The following GRAMD1C variants were observed in gnomAD, a reference collection of about 807,000 sequenced individuals.
The protein encoded by GRAMD1C is protein Aster-C.
GRAMD1C carries 89 observed loss-of-function variants against 97.8 expected under a neutral mutation model. The observed-to-expected ratio is 0.91, with a 90% CI of 0.77 to 1.09. The LOEUF is 1.09. GRAMD1C is among the 50% of genes least tolerant of loss of function. The probability of loss-of-function intolerance (pLI) is 0.00; values close to 1 mark genes in which losing one functional copy is unlikely to be tolerated. For missense variants in GRAMD1C, 740 were observed against 766.4 expected, an observed-to-expected ratio of 0.97 and a Z score of 0.41; for synonymous variants, 256 against 267.0, an observed-to-expected ratio of 0.96 and a Z score of 0.40.
intron 6 of GRAMD1C, chr3:113,897,734 A>G: frequency 1.0e-6 from 1 of 984,652 alleles, no homozygotes; most frequent in Non-Finnish European, 1.2e-6. Context: ...TTTGAGCCTT[A>G]TCTGATTACT....
chr3:113,842,344 C>A (rs1467457529), intron 1 of GRAMD1C, among the ~76,000 whole-genome samples: 1 of 152,146 alleles, frequency 6.6e-6, no homozygotes, highest in Non-Finnish European at 1.5e-5. Context: ...TAACTTAGAA[C>A]CTATGTTGTA....
chr3:113,833,582 A>C (rs188204486), intron 1 of GRAMD1C, among the ~76,000 whole-genome samples: 42 of 152,312 alleles, frequency 2.8e-4, no homozygotes, highest in Admixed American at 9.8e-4. Context: ...GCCACCAAAC[A>C]GGTCAAAGCA....
At chr3:113,882,580 AC>A (rs765503987) in intron 5 of GRAMD1C, among the ~76,000 whole-genome samples, 171 bp from the exon 6 acceptor site, 10 of 152,170 alleles carry the variant, frequency 6.6e-5, no homozygotes, top group Non-Finnish European at 1.0e-4. Context: ...TATAGCAACT[AC>A]CCGTGTTTCT....
At chr3:113,854,945 A>G (rs1934057684) in intron 2 of GRAMD1C, among the ~76,000 whole-genome samples, 1 of 152,214 alleles carries the variant, frequency 6.6e-6, no homozygotes, top group African/African-American at 2.4e-5. Flanking sequence ...AACAAATCTA[A>G]GATAATACAA....
At chr3:113,882,567 T>C (rs1935307351) in intron 5 of GRAMD1C, among the ~76,000 whole-genome samples, 185 bp from the exon 6 acceptor site, 1 of 152,180 alleles carries the variant, frequency 6.6e-6, no homozygotes, top group African/African-American at 2.4e-5. Flanking sequence ...GACACCTTGT[T>C]CATATAGCAA....
At chr3:113,843,761 A>G (rs1933480947) in intron 1 of GRAMD1C, among the ~76,000 whole-genome samples, 1 of 152,230 alleles carries the variant, frequency 6.6e-6, no homozygotes, top group African/African-American at 2.4e-5. Context: ...CACAGCTGGC[A>G]CATCTTATTT....
intron 9 of GRAMD1C, among the ~76,000 whole-genome samples, chr3:113,909,419 C>T (rs1395770671): frequency 1.3e-5 from 2 of 152,150 alleles, no homozygotes; most frequent in Admixed American, 6.5e-5. Flanking sequence ...TATGCTCACA[C>T]GTCATAGGTA....
rs1435715840 is a variant in GRAMD1C at position 113,915,792 on chromosome 3, C to T, written c.1044C>T (p.Thr348=). 2 of 1,610,868 alleles carry T rather than the reference C, an allele frequency of 1.2e-6. No individual in the cohort carries two copies. The highest frequency in any genetic ancestry group is 1.6e-4 in the Middle Eastern group (1 of 6,072). The stretch of plus-strand genomic sequence containing the variant: ...ACAGAATGTTTGAATTGCTCTTTAC[C>T]AGTTCACGCTTTATGCAGAAATTTG... ...SADRMFELLF[T]SSRFMQKFAS... is the part of the protein sequence containing the mutation. Residue 348 remains threonine, a synonymous_variant, in exon 10 of 18, where the codon ACC becomes ACT. Transcript: ENST00000358160.
intron 6 of GRAMD1C, chr3:113,890,818 G>A (rs1241082036): frequency 2.9e-6 from 2 of 681,468 alleles, no homozygotes; most frequent in African/African-American, 1.8e-5. Flanking sequence ...TAAAGTTCAG[G>A]TTTACAGATG....
Position 113,852,015 on chromosome 3 carries a change from C to T in GRAMD1C, c.174+7366C>T, listed in dbSNP as rs150373491. On this transcript the variant is annotated intron_variant, in intron 2 of 17. Coordinates refer to ENST00000358160, the MANE Select transcript of GRAMD1C (RefSeq NM_017577.5). ...TCCCGGGTAGCTGGGATGAGAGGTG[C>T]GTACCACCACTCCCGGCCTATTCTG... is the stretch of plus-strand genomic sequence containing the variant. Among the ~76,000 whole-genome samples, 12 of 152,228 alleles carry T rather than the reference C, an allele frequency of 7.9e-5. No individual in the cohort carries two copies. The East Asian group carries it at 1.9e-3, about 24-fold the overall frequency.
At chr3:113,913,608 A>AT (rs1559811547) in intron 9 of GRAMD1C, among the ~76,000 whole-genome samples, 2 of 152,184 alleles carry the variant, frequency 1.3e-5, no homozygotes, top group African/African-American at 4.8e-5. Context: ...GTTTGGCTTT[A>AT]TAGCAGTAAG....
At chr3:113,885,261 G>C (rs1935425972) in intron 6 of GRAMD1C, 1 of 1,268,558 alleles carries the variant, frequency 7.9e-7, no homozygotes, top group South Asian at 1.3e-5. Flanking sequence ...GCTGGGCCGT[G>C]GGGGCCTCCG....
intron 8 of GRAMD1C, among the ~76,000 whole-genome samples, chr3:113,907,111 T>G (rs907082476): frequency 7.2e-5 from 11 of 152,240 alleles, no homozygotes; most frequent in Admixed American, 6.5e-5. Flanking sequence ...AATGTATGAC[T>G]GTACTTAGAA....
chr3:113,830,909 A>T (rs983239875), intron 1 of GRAMD1C, among the ~76,000 whole-genome samples: 1 of 152,170 alleles, frequency 6.6e-6, no homozygotes, highest in African/African-American at 2.4e-5. Flanking sequence ...GGCCAGGGTG[A>T]CCTGTAAAAA....
chr3:113,935,228 C>T (rs1937554306), intron 13 of GRAMD1C, among the ~76,000 whole-genome samples: 1 of 152,058 alleles, frequency 6.6e-6, no homozygotes, highest in Admixed American at 6.6e-5. Context: ...CAGTTAAGAG[C>T]TCTCATACCC....
chr3:113,938,031 A>G lies in GRAMD1C; in HGVS notation c.1634-55A>G, dbSNP rs367948823. ...AAAAAAAAAAAAAAAAAAAATTTGG[A>G]TCAGTTGTAATCACAATTCTCATTC... On this transcript the variant is annotated intron_variant, in intron 14 of 17. Transcript: ENST00000358160. The G allele has an allele frequency of 1.0e-3, 769 of 765,672 alleles. 9 individuals are homozygous for G. Among genetic ancestry groups the G allele is most frequent in the South Asian group, 9.3e-3 (537 of 58,010 alleles). 47.4% of individuals were successfully genotyped at this position (765,672 alleles called of 1,614,324 possible).
At chr3:113,866,807 AT>A (rs1373862048) in intron 2 of GRAMD1C, among the ~76,000 whole-genome samples, 5 of 151,380 alleles carry the variant, frequency 3.3e-5, no homozygotes, top group Non-Finnish European at 7.4e-5. Context: ...ATACAGTGTT[AT>A]GATTACTGCT....
At chr3:113,911,416 T>C (rs566692009) in intron 9 of GRAMD1C, among the ~76,000 whole-genome samples, 27 of 152,016 alleles carry the variant, frequency 1.8e-4, no homozygotes, top group Admixed American at 9.8e-4. Flanking sequence ...AGCTAATTTT[T>C]TGTAATTTTA....
chr3:113,829,259 AAAAC>A (rs369737329), intron 1 of GRAMD1C, among the ~76,000 whole-genome samples: 125 of 152,138 alleles, frequency 8.2e-4, no homozygotes, highest in African/African-American at 2.3e-3. Context: ...CAGTCTGTAC[AAAAC>A]AAACAAACAA....
Sources: gnomAD v4.1 joint callset for allele counts (sites outside exome capture counted in the v4.1 genomes callset) on GRCh38, gnomAD v4.1.1 for gene constraint, MANE v1.5 for transcripts, NCBI Gene and HGNC (gene_info 2026-07-23, HGNC 2026-07-21) for gene names.